SMCO2: variants seen among roughly 807,000 people sequenced by gnomAD.
The protein encoded by SMCO2 is single-pass membrane protein with coiled-coil domains 2.
A neutral mutation model predicts 29.5 loss-of-function variants in SMCO2; 25 were observed. The observed-to-expected ratio is 0.85, with a 90% CI of 0.62 to 1.18. The LOEUF (loss-of-function observed/expected upper bound fraction) is 1.18. Ranked by LOEUF, SMCO2 falls within the 50% of genes most tolerant of loss-of-function variation. The pLI, the probability that SMCO2 is intolerant of heterozygous loss-of-function variation, is 0.00. For synonymous variants in SMCO2, 117 were observed against 123.3 expected (o/e 0.95, Z 0.34); for missense variants, 348 against 344.5 (o/e 1.01, Z -0.08).
the SMCO2 span, among the ~76,000 whole-genome samples, chr12:27,448,483 C>G: frequency 2.0e-5 from 3 of 152,226 alleles, no homozygotes; most frequent in East Asian, 5.8e-4. Flanking sequence ...AAAGCAAAAC[C>G]AAATAAACAA....
chr12:27,478,296 G>A (rs1328336476), intron 4 of SMCO2, among the ~76,000 whole-genome samples: 1 of 152,192 alleles, frequency 6.6e-6, no homozygotes, highest in African/African-American at 2.4e-5. Context: ...AGTGCTAGTG[G>A]TGGTGGCAGC....
chr12:27,464,438 A>G (rs1040739302), upstream of SMCO2, among the ~76,000 whole-genome samples: 1 of 152,092 alleles, frequency 6.6e-6, no homozygotes, highest in Non-Finnish European at 1.5e-5. Context: ...GCCGGGCGCA[A>G]TGACTCATCT....
At chr12:27,499,152 A>G (rs1042464991) in intron 7 of SMCO2, among the ~76,000 whole-genome samples, 1 of 150,882 alleles carries the variant, frequency 6.6e-6, no homozygotes, top group African/African-American at 2.5e-5. Flanking sequence ...TCATGGCAGC[A>G]TTATTCATAA....
the SMCO2 span, among the ~76,000 whole-genome samples, chr12:27,436,041 T>C: frequency 2.6e-5 from 4 of 152,200 alleles, no homozygotes; most frequent in Non-Finnish European, 4.4e-5. Flanking sequence ...CACTTCCTGG[T>C]TCATAGACAA....
the SMCO2 span, among the ~76,000 whole-genome samples, chr12:27,445,718 T>A: frequency 6.6e-6 from 1 of 152,134 alleles, no homozygotes; most frequent in African/African-American, 2.4e-5. Context: ...TCCACAAGTG[T>A]CTTAGCTCAG....
the SMCO2 span, among the ~76,000 whole-genome samples, chr12:27,451,776 C>T: frequency 6.6e-6 from 1 of 152,190 alleles, no homozygotes; most frequent in South Asian, 2.1e-4. Flanking sequence ...AGCAAATATG[C>T]AATCTGTGAA....
chr12:27,425,360 A>C, the SMCO2 span: 5 of 152,282 alleles, frequency 3.3e-5, no homozygotes, highest in East Asian at 9.6e-4. Context: ...ACCACTGGGC[A>C]GAGGGGTACA....
chr12:27,488,758 C>T (rs1949710551), intron 5 of SMCO2, among the ~76,000 whole-genome samples: 1 of 152,154 alleles, frequency 6.6e-6, no homozygotes, highest in South Asian at 2.1e-4. Context: ...TACCTAGAAA[C>T]TCGGCTACCA....
chr12:27,484,880 A>ATT (rs1949675992), intron 4 of SMCO2, among the ~76,000 whole-genome samples: 1 of 116,584 alleles, frequency 8.6e-6, no homozygotes, highest in Non-Finnish European at 1.5e-5. Context: ...AAATATATAT[A>ATT]TATATATATA....
chr12:27,482,394 CG>C (rs995212667), intron 4 of SMCO2, among the ~76,000 whole-genome samples: 1 of 152,172 alleles, frequency 6.6e-6, no homozygotes, highest in African/African-American at 2.4e-5. Flanking sequence ...CTCTGCCTCC[CG>C]GGTTCAAGCA....
chr12:27,441,343 C>T, the SMCO2 span, among the ~76,000 whole-genome samples: 3 of 152,268 alleles, frequency 2.0e-5, no homozygotes, highest in African/African-American at 7.2e-5. Flanking sequence ...AAGTTGCCCA[C>T]TTCGCCTATA....
the SMCO2 span, among the ~76,000 whole-genome samples, chr12:27,458,503 A>G: frequency 6.6e-6 from 1 of 152,214 alleles, no homozygotes; most frequent in Non-Finnish European, 1.5e-5. Flanking sequence ...TCTACAAACA[A>G]TTAAATTTAA....
At chr12:27,466,438 A>G (rs1443848719), upstream of SMCO2, among the ~76,000 whole-genome samples, 1 of 152,132 alleles carries the variant, frequency 6.6e-6, no homozygotes, top group Non-Finnish European at 1.5e-5. Flanking sequence ...TAAAAAAAGG[A>G]AGATCAAATG....
the SMCO2 span, among the ~76,000 whole-genome samples, chr12:27,428,298 A>C: frequency 1.3e-5 from 2 of 152,204 alleles, no homozygotes; most frequent in Admixed American, 6.5e-5. Flanking sequence ...AATCCCTCCC[A>C]AAGTTAATTC....
At chr12:27,486,544 C>A (rs1022646908) in intron 4 of SMCO2, among the ~76,000 whole-genome samples, 21 of 152,194 alleles carry the variant, frequency 1.4e-4, no homozygotes, top group African/African-American at 4.6e-4. Flanking sequence ...AAATCCAATT[C>A]CTGTTACTCC....
chr12:27,437,194 C>G, the SMCO2 span, among the ~76,000 whole-genome samples: 1 of 152,154 alleles, frequency 6.6e-6, no homozygotes, highest in African/African-American at 2.4e-5. Context: ...TCACTTGAGC[C>G]CAGGAGTTCG....
chr12:27,502,140 C>T, exon 8 of SMCO2: 1 of 1,498,528 alleles, frequency 6.7e-7, no homozygotes. Flanking sequence ...AAGTTACTGT[C>T]ACCCTACTGA....
At chr12:27,469,566 C>T (rs2135543136) in intron 1 of SMCO2, among the ~76,000 whole-genome samples, 1 of 152,296 alleles carries the variant, frequency 6.6e-6, no homozygotes, top group East Asian at 1.9e-4. Flanking sequence ...GTCTGTCATC[C>T]CCTCTTGTCC....
At chr12:27,494,509 TTATTATTA>T (rs1942973939) in intron 6 of SMCO2, among the ~76,000 whole-genome samples, 153 bp downstream of exon 7, 2 of 147,858 alleles carry the variant, frequency 1.4e-5, no homozygotes, top group African/African-American at 4.9e-5. Context: ...ATTATTATTA[TTATTATTA>T]TTATTATACT....
Sources: allele counts gnomAD v4.1 joint callset (sites outside exome capture counted in the v4.1 genomes callset), GRCh38; gene constraint gnomAD v4.1.1; transcripts MANE v1.5; gene names NCBI Gene and HGNC (gene_info 2026-07-23, HGNC 2026-07-21).